The following TTC27 variants were observed in gnomAD, a reference collection of about 807,000 sequenced individuals.
TTC27 encodes tetratricopeptide repeat domain 27.
In TTC27, 79 loss-of-function variants were observed where a neutral mutation model predicts 115.9. The observed-to-expected ratio is 0.68, with a 90% CI of 0.57 to 0.82. The LOEUF is 0.82. TTC27 is among the 40% of genes least tolerant of loss of function. The probability of loss-of-function intolerance (pLI) is 0.00; values close to 1 mark genes in which losing one functional copy is unlikely to be tolerated. For missense variants in TTC27, 1,054 were observed against 993.1 expected (o/e 1.06, Z -0.82); for synonymous variants, 401 against 356.0 (o/e 1.13, Z -1.42).
At chr2:32,688,704 A>G (rs537184161) in intron 9 of TTC27, among the ~76,000 whole-genome samples, 1 of 151,756 alleles carries the variant, frequency 6.6e-6, no homozygotes, top group Non-Finnish European at 1.5e-5. Flanking sequence ...TAAAACCACA[A>G]CAAGATACCA....
chr2:32,687,702 A>G (rs1666681128), intron 9 of TTC27, among the ~76,000 whole-genome samples: 1 of 152,252 alleles, frequency 6.6e-6, no homozygotes, highest in Non-Finnish European at 1.5e-5. Flanking sequence ...GAATATTTCC[A>G]GAGACAGAGA....
chr2:32,660,108 T>G (rs1293565819), intron 5 of TTC27, among the ~76,000 whole-genome samples: 1 of 152,232 alleles, frequency 6.6e-6, no homozygotes, highest in African/African-American at 2.4e-5. Flanking sequence ...TCCACAATGG[T>G]TGAACTAATT....
chr2:32,789,950 A>G (rs1166394714), intron 16 of TTC27, among the ~76,000 whole-genome samples: 1 of 97,414 alleles, frequency 1.0e-5, no homozygotes, highest in Non-Finnish European at 2.2e-5. Flanking sequence ...AAAAAAAGAG[A>G]AGTCTTTCAG....
At chr2:32,746,668 C>A (rs1344679327) in intron 12 of TTC27, among the ~76,000 whole-genome samples, 1 of 151,350 alleles carries the variant, frequency 6.6e-6, no homozygotes, top group African/African-American at 2.4e-5. Flanking sequence ...AGATTTATGG[C>A]CATTCACATT....
At chr2:32,794,955 C>T (rs912607340) in intron 16 of TTC27, among the ~76,000 whole-genome samples, 23 of 151,862 alleles carry the variant, frequency 1.5e-4, no homozygotes, top group Non-Finnish European at 2.9e-5. Context: ...AAAAATCTCC[C>T]AACAAAGAAA....
At position 32,655,105 on chromosome 2, in the gene TTC27, C is replaced by T. The variant is rs565511475; in HGVS notation, c.640+4872C>T. Among the ~76,000 whole-genome samples, 3 of 152,020 alleles carry T rather than the reference C, an allele frequency of 2.0e-5. No homozygotes were observed. The East Asian group carries it at 5.8e-4, about 29-fold the overall frequency. ...CTGCGTTCAAGTGATTCTCCTACCT[C>T]AGCCTCTCAAGCAGCTGGGACTATG... On this transcript the variant is annotated intron_variant, in intron 5 of 19. Transcript: ENST00000317907.
chr2:32,704,805 T>A, intron 10 of TTC27: 1 of 464,840 alleles, frequency 2.2e-6, no homozygotes. Flanking sequence ...TTGATTCAGG[T>A]CATAGAATTT....
chr2:32,741,994 CTG>C (rs1668664236), intron 12 of TTC27, among the ~76,000 whole-genome samples: 1 of 152,208 alleles, frequency 6.6e-6, no homozygotes, highest in Non-Finnish European at 1.5e-5. Flanking sequence ...GCTAAGGAAA[CTG>C]TGAGCATATT....
chr2:32,645,656 G>A (rs1252299754), intron 4 of TTC27, among the ~76,000 whole-genome samples: 5 of 152,046 alleles, frequency 3.3e-5, no homozygotes, highest in South Asian at 2.1e-4. Context: ...CCATTAACTC[G>A]TCATTTAGCA....
intron 14 of TTC27, among the ~76,000 whole-genome samples, chr2:32,778,186 C>T (rs1670062332): frequency 6.6e-6 from 1 of 152,056 alleles, no homozygotes; most frequent in South Asian, 2.1e-4. Flanking sequence ...TTTGATAAAA[C>T]AATTTTCTTG....
At chr2:32,754,858 C>T (rs1361723135) in intron 12 of TTC27, among the ~76,000 whole-genome samples, 2 of 147,960 alleles carry the variant, frequency 1.4e-5, no homozygotes, top group African/African-American at 5.0e-5. Context: ...GACGGGGCGG[C>T]TGGCCAGGCG....
intron 8 of TTC27, among the ~76,000 whole-genome samples, chr2:32,677,338 T>C (rs1385092902): frequency 2.0e-5 from 3 of 152,132 alleles, no homozygotes. Flanking sequence ...CTATGGATAT[T>C]TATGTATCTC....
chr2:32,677,849 A>G (rs1036960715), intron 8 of TTC27, among the ~76,000 whole-genome samples: 1 of 152,242 alleles, frequency 6.6e-6, no homozygotes, highest in Non-Finnish European at 1.5e-5. Flanking sequence ...GACAGCTGTT[A>G]TAAAAACATT....
chr2:32,715,752 A>T (rs1416833981), intron 10 of TTC27, among the ~76,000 whole-genome samples: 1 of 152,186 alleles, frequency 6.6e-6, no homozygotes, highest in Non-Finnish European at 1.5e-5. Flanking sequence ...AGGGCATGTC[A>T]TAATGAAACC....
intron 6 of TTC27, among the ~76,000 whole-genome samples, chr2:32,665,975 T>C (rs560688951): frequency 6.6e-6 from 1 of 152,238 alleles, no homozygotes; most frequent in South Asian, 2.1e-4. Context: ...ATTTAAAAGG[T>C]TAATGTATGA....
intron 16 of TTC27, among the ~76,000 whole-genome samples, chr2:32,801,776 C>T (rs1670948782): frequency 6.6e-6 from 1 of 152,162 alleles, no homozygotes. Flanking sequence ...AAGACCTCAA[C>T]CACTCCTATG....
At chr2:32,716,851 G>C (rs952580229) in intron 10 of TTC27, among the ~76,000 whole-genome samples, 1 of 151,580 alleles carries the variant, frequency 6.6e-6, no homozygotes, top group Non-Finnish European at 1.5e-5. Flanking sequence ...CCATCACCAT[G>C]CCAGGCTAAT....
At chr2:32,651,639 C>G (rs1665131875) in intron 5 of TTC27, among the ~76,000 whole-genome samples, 2 of 152,140 alleles carry the variant, frequency 1.3e-5, no homozygotes, top group Admixed American at 6.6e-5. Flanking sequence ...GCCACTGCGC[C>G]CGGCGTCCTT....
intron 8 of TTC27, among the ~76,000 whole-genome samples, chr2:32,674,781 T>C (rs548409976): frequency 1.3e-5 from 2 of 152,134 alleles, no homozygotes; most frequent in South Asian, 4.1e-4. Context: ...TGCGTCAGCC[T>C]CCTGAGTAGC....
Sources: gnomAD v4.1 joint callset for allele counts (sites outside exome capture counted in the v4.1 genomes callset) on GRCh38, gnomAD v4.1.1 for gene constraint, MANE v1.5 for transcripts, NCBI Gene and HGNC (gene_info 2026-07-23, HGNC 2026-07-21) for gene names.